Variants in TNIP2 observed in about 807,000 individuals in gnomAD.
TNIP2 encodes the protein TNFAIP3 interacting protein 2, also known as TNFAIP3-interacting protein 2.
Under a neutral mutation model 43.7 loss-of-function variants are expected in TNIP2, and 30 were observed. The ratio of observed to expected loss-of-function variants is 0.69; its 90% CI spans 0.51 to 0.93. TNIP2 has a LOEUF of 0.93. Ranked by LOEUF, TNIP2 falls within the 40% of genes least tolerant of loss-of-function variation. The probability of loss-of-function intolerance (pLI) is 0.00; values close to 1 mark genes in which losing one functional copy is unlikely to be tolerated. For missense variants in TNIP2, 599 were observed against 591.0 expected (o/e 1.01, Z -0.14); for synonymous variants, 260 against 254.6 (o/e 1.02, Z -0.20).
chr4:2,744,441 A>C lies in TNIP2; in HGVS notation c.972T>G (p.Ile324Met), dbSNP rs1045316566. 6.2e-6 allele frequency: 10 copies of C among 1,614,210 alleles called. No individual in the cohort carries two copies. The highest frequency in any genetic ancestry group is 1.3e-5 in the African/African-American group (1 of 75,056). Residue 324 changes from isoleucine (I) to methionine (M), a missense_variant, in exon 5 of 6, where the codon ATT (isoleucine) becomes ATG (methionine). Coordinates refer to ENST00000315423, the MANE Select transcript of TNIP2 (RefSeq NM_024309.4). This position sits in a 1 kb window ranked among gnomAD's most constrained non-coding sequence, Gnocchi z 5.1. ...RADRERAQSR[I>M]QELEEKVASL... Reference sequence around the variant, plus strand: ...AGGCGACCTTTTCCTCCAGTTCTTGAATCCTACTTTGAGCCCGTTCCCGAT... The same window carrying C: ...AGGCGACCTTTTCCTCCAGTTCTTGCATCCTACTTTGAGCCCGTTCCCGAT...
rs1027738762 is a variant in TNIP2 at position 2,744,763 on chromosome 4, C to T, written c.840G>A (p.Gln280=). 15 of 1,610,436 alleles carry T rather than the reference C, an allele frequency of 9.3e-6. No homozygotes were observed. The highest frequency in any genetic ancestry group is 1.2e-5 in the Non-Finnish European group (14 of 1,180,046). ...EKINDCAEVK[Q]ELAASRTARD... is the part of the protein sequence containing the mutation. ...GGGCCGTCCTGGAGGCCGCCAGCTC[C>T]TGCTTCACTTCGGCACAGTCATTTA... The change falls in exon 4 of 6, where the codon CAG becomes CAA. Residue 280 remains glutamine (Q), a synonymous_variant. Coordinates refer to ENST00000315423, the MANE Select transcript of TNIP2 (RefSeq NM_024309.4). The surrounding 1 kb of genome is among the most constrained non-coding windows in gnomAD (Gnocchi z 5.1).
At chr4:2,751,876 T>C (rs1269726806) in intron 1 of TNIP2, among the ~76,000 whole-genome samples, 1 of 149,408 alleles carries the variant, frequency 6.7e-6, no homozygotes, top group Admixed American at 6.6e-5. Flanking sequence ...GAGGCTGAGG[T>C]GGGTGGATCA....
intron 2 of TNIP2, 130 bp downstream of exon 2, chr4:2,747,525 C>G (rs1256632515): frequency 1.1e-5 from 10 of 912,692 alleles, no homozygotes; most frequent in African/African-American, 5.0e-5. Flanking sequence ...TTTGCCCCGT[C>G]AGCTGACTCT....
intron 3 of TNIP2, 79 bp downstream of exon 3, chr4:2,745,367 G>C: frequency 9.1e-7 from 1 of 1,099,676 alleles, no homozygotes; most frequent in Non-Finnish European, 1.4e-6. Flanking sequence ...GCGACTCTGG[G>C]CATCAGCCAA....
chr4:2,750,431 ATT>A (rs1245394910), intron 1 of TNIP2, among the ~76,000 whole-genome samples: 1 of 142,930 alleles, frequency 7.0e-6, no homozygotes, highest in African/African-American at 2.7e-5. Context: ...TATTATTATT[ATT>A]TTATTATTTT....
chr4:2,756,292 C>A lies in TNIP2; in HGVS notation c.-3G>T. 5 of 1,261,102 alleles carry A rather than the reference C, an allele frequency of 4.0e-6. No individual in the cohort carries two copies. Among genetic ancestry groups the A allele is most frequent in the Non-Finnish European group, 5.0e-6 (5 of 1,005,768 alleles). The allele number at this position is 1,261,102 out of a possible 1,614,324, so 78.1% of individuals were successfully genotyped here. On this transcript the variant is annotated 5_prime_UTR_variant, in exon 1 of 6. Transcript: ENST00000315423. The stretch of plus-strand genomic sequence containing the variant: ...CCCGACCCCGGGTCCCGGGACATGG[C>A]TGTAGGCCCGCCCGGGAGGCCGCGC...
chr4:2,744,283 C>T lies in TNIP2; in HGVS notation c.1026+104G>A. On this transcript the variant is annotated intron_variant, in intron 5 of 5. Coordinates refer to ENST00000315423, the MANE Select transcript of TNIP2 (RefSeq NM_024309.4). The surrounding 1 kb of genome is among the most constrained non-coding windows in gnomAD (Gnocchi z 5.1). ...GAGGGGCTCGCCACAACCCTCATCA[C>T]CAGCAAATCAGGGCCTTGGCAGACA... is the stretch of plus-strand genomic sequence containing the variant. 1.4e-6 allele frequency: 2 copies of T among 1,477,586 alleles called. No individual in the cohort carries two copies. Among genetic ancestry groups the T allele is most frequent in the Non-Finnish European group, 1.8e-6 (2 of 1,081,812 alleles). The allele number at this position is 1,477,586 out of a possible 1,614,324, so 91.5% of individuals were successfully genotyped here.
chr4:2,744,485 A>G lies in TNIP2; in HGVS notation c.928T>C (p.Phe310Leu). Reference protein sequence around the residue: ...EQQILAYKDDFMSERADRERA... With the variant: ...EQQILAYKDDLMSERADRERA... ...TCCCGATCGGCCCTTTCTGACATGA[A>G]GTCATCCTTGTAAGCGAGAATCTGA... Residue 310 changes from phenylalanine (F) to leucine (L), a missense_variant, in exon 5 of 6, where the codon TTC (phenylalanine) becomes CTC (leucine). Physicochemically the swap from Phe to Leu is conservative, Grantham distance 22. Coordinates refer to ENST00000315423, the MANE Select transcript of TNIP2 (RefSeq NM_024309.4). This position sits in a 1 kb window ranked among gnomAD's most constrained non-coding sequence, Gnocchi z 5.1. 1 of 1,614,142 alleles carries G rather than the reference A, an allele frequency of 6.2e-7. No homozygotes were observed. Among genetic ancestry groups the G allele is most frequent in the Non-Finnish European group, 8.5e-7 (1 of 1,180,014 alleles).
At chr4:2,750,884 C>T (rs1359828972) in intron 1 of TNIP2, among the ~76,000 whole-genome samples, 1 of 152,306 alleles carries the variant, frequency 6.6e-6, no homozygotes, top group South Asian at 2.1e-4. Flanking sequence ...AGCATGTCCA[C>T]AGCTCGTAGA....
At position 2,752,486 on chromosome 4, in the gene TNIP2, T is replaced by C. The variant is rs1010217700; in HGVS notation, c.276+3528A>G. Among the ~76,000 whole-genome samples, 4 of 152,184 alleles carry C rather than the reference T, an allele frequency of 2.6e-5. No individual in the cohort carries two copies. In the East Asian group the frequency reaches 5.8e-4, roughly 22 times the overall value. ...GACCGCAGCTTGATCACAGACGCAC[T>C]GGTCAGCTCCTCCACATTCTGAGCC... On this transcript the variant is annotated intron_variant, in intron 1 of 5. Transcript: ENST00000315423.
At chr4:2,755,916 C>G in intron 1 of TNIP2, 98 bp downstream of exon 1, 1 of 1,385,338 alleles carries the variant, frequency 7.2e-7, no homozygotes, top group South Asian at 1.6e-5. Context: ...CCCCCTCAAC[C>G]CCTCAGGACC....
chr4:2,747,358 CTCA>C (rs1319210868), intron 2 of TNIP2: 1 of 372,150 alleles, frequency 2.7e-6, no homozygotes, highest in African/African-American at 2.0e-5. Flanking sequence ...GCTCCTCCTC[CTCA>C]TCCTCAGCTG....
At position 2,754,533 on chromosome 4, in the gene TNIP2, C is replaced by A. The variant is rs541641789; in HGVS notation, c.276+1481G>T. 2.4e-4 allele frequency among the ~76,000 whole-genome samples: 37 copies of A among 152,280 alleles called. No individual in the cohort carries two copies. In the South Asian group the frequency reaches 7.5e-3, roughly 31 times the overall value. Reference sequence around the variant, plus strand: ...CCGGGTTCATGCCATTCTCCTGCCTCCGCCTCCCAAGTAGCTGGGACTACA... The same window carrying A: ...CCGGGTTCATGCCATTCTCCTGCCTACGCCTCCCAAGTAGCTGGGACTACA... On this transcript the variant is annotated intron_variant, in intron 1 of 5. Transcript: ENST00000315423.
In TNIP2 at chr4:2,742,508, G is replaced by A; in HGVS notation, c.1039C>T (p.Pro347Ser). Reference protein sequence around the residue: ...QVSWRQDSREPDAGRIHAGSK... With the variant: ...QVSWRQDSRESDAGRIHAGSK... ...CCAGCGTGAATCCGGCCGGCGTCTGGCTCTCGAGAATCCTGGAGAAAAGGC... is the reference window on the plus strand; with the variant it reads ...CCAGCGTGAATCCGGCCGGCGTCTGACTCTCGAGAATCCTGGAGAAAAGGC... The change falls in exon 6 of 6, where the codon CCA becomes TCA. Residue 347 changes from proline to serine, a missense_variant. Physicochemically the swap from Pro to Ser is moderately conservative, Grantham distance 74. Transcript: ENST00000315423. The A allele has an allele frequency of 1.3e-6, 2 of 1,588,338 alleles. No homozygotes were observed. Among genetic ancestry groups the A allele is most frequent in the Non-Finnish European group, 1.7e-6 (2 of 1,163,424 alleles).
At chr4:2,755,904 T>G in intron 1 of TNIP2, 110 bp downstream of exon 1, 3 of 1,292,824 alleles carry the variant, frequency 2.3e-6, no homozygotes, top group African/African-American at 1.7e-5. Context: ...CAGGACCCAG[T>G]ACCCCCTCAA....
rs146060295 is a variant in TNIP2 at position 2,745,533 on chromosome 4, C to T, written c.570G>A (p.Ser190=). ...CAGAGGTGTGCCCATCTGTGTGTTC[C>T]GACTGCATGAGGAAGGGACAGAGAG... The part of the protein sequence containing the change: ...RNVGERSPDQ[S]EHTDGHTSVQ... The change falls in exon 3 of 6, where the codon TCG becomes TCA. Residue 190 remains serine, a splice_region_variant and synonymous_variant. Transcript: ENST00000315423. 3.5e-4 allele frequency: 567 copies of T among 1,612,630 alleles called. 3 individuals carry two copies. The African/African-American group carries it at 6.8e-3, about 19-fold the overall frequency.
In TNIP2 at chr4:2,742,494, C is replaced by G; in HGVS notation, c.1053G>C (p.Arg351=). 6.3e-7 allele frequency: 1 copy of G among 1,598,838 alleles called. No homozygotes were observed. Residue 351 remains arginine, a synonymous_variant, in exon 6 of 6, where the codon CGG becomes CGC. Coordinates refer to ENST00000315423, the MANE Select transcript of TNIP2 (RefSeq NM_024309.4). ...TGGCAGTTTTGCTCCCAGCGTGAATCCGGCCGGCGTCTGGCTCTCGAGAAT... is the reference window on the plus strand; with the variant it reads ...TGGCAGTTTTGCTCCCAGCGTGAATGCGGCCGGCGTCTGGCTCTCGAGAAT... ...RQDSREPDAG[R]IHAGSKTAKY...
At chr4:2,750,199 GC>G (rs1341234367) in intron 1 of TNIP2, among the ~76,000 whole-genome samples, 3 of 152,066 alleles carry the variant, frequency 2.0e-5, no homozygotes, top group Non-Finnish European at 4.4e-5. Flanking sequence ...GGTGAAGCAG[GC>G]TCAACTAGTC....
chr4:2,743,194 G>A (rs1464997413), intron 5 of TNIP2, among the ~76,000 whole-genome samples: 2 of 152,260 alleles, frequency 1.3e-5, no homozygotes, highest in East Asian at 3.9e-4. Flanking sequence ...CACTGTCCCT[G>A]GCTGTGCCAT....
Sources: allele counts gnomAD v4.1 joint callset (sites outside exome capture counted in the v4.1 genomes callset), GRCh38; gene constraint gnomAD v4.1.1; non-coding constraint Gnocchi (gnomAD v3.1); transcripts MANE v1.5; gene names NCBI Gene and HGNC (gene_info 2026-07-23, HGNC 2026-07-21).